TP73: variants seen among roughly 807,000 people sequenced by gnomAD.
The protein encoded by TP73 is tumor protein p73, also known as p53-like transcription factor.
In TP73, 25 loss-of-function variants were observed where a neutral mutation model predicts 62.5. That is an observed-to-expected ratio of 0.40 (90% CI 0.29 to 0.56). TP73 has a LOEUF of 0.56. TP73 is among the 20% of genes least tolerant of loss of function. TP73 has a pLI of 0.46. For synonymous variants in TP73, 423 were observed against 377.5 expected (o/e 1.12, Z -1.40); for missense variants, 754 against 913.3 (o/e 0.83, Z 2.25).
chr1:3,654,204 G>A (rs114533509), intron 1 of TP73, among the ~76,000 whole-genome samples: 1,756 of 152,272 alleles, frequency 0.012, 49 homozygotes, highest in African/African-American at 0.04. Context: ...ATAAAAGTTG[G>A]TGTCAGAGGC....
At chr1:3,706,956 C>T (rs1480094615) in intron 3 of TP73, among the ~76,000 whole-genome samples, 4 of 152,114 alleles carry the variant, frequency 2.6e-5, no homozygotes, top group Admixed American at 6.5e-5. Flanking sequence ...GAGATGAGGC[C>T]GCCCAACTGG....
At chr1:3,700,759 C>T (rs373965027) in intron 3 of TP73, among the ~76,000 whole-genome samples, 8 of 151,762 alleles carry the variant, frequency 5.3e-5, no homozygotes, top group Non-Finnish European at 8.8e-5. Flanking sequence ...CCAGCCTGGG[C>T]GACACAGTGA....
chr1:3,655,362 G>C lies in TP73; in HGVS notation c.-34+2721G>C, dbSNP rs140793372. On this transcript the variant is annotated intron_variant, in intron 1 of 13. Coordinates refer to ENST00000378295, the MANE Select transcript of TP73 (RefSeq NM_005427.4). Reference sequence around the variant, plus strand: ...AGATCACCCCACTGCACTCCAGCCCGGGCAACAGAGCGAGACTCTGTCTCA... The same window carrying C: ...AGATCACCCCACTGCACTCCAGCCCCGGCAACAGAGCGAGACTCTGTCTCA... 5.9e-4 allele frequency among the ~76,000 whole-genome samples: 90 copies of C among 152,146 alleles called. 1 individual carries two copies. Among genetic ancestry groups the C allele is most frequent in the African/African-American group, 2.1e-3 (88 of 41,424 alleles).
chr1:3,658,028 G>A (rs1644903619), intron 1 of TP73, among the ~76,000 whole-genome samples: 1 of 152,256 alleles, frequency 6.6e-6, no homozygotes, highest in African/African-American at 2.4e-5. Context: ...GTCTGGAGAG[G>A]CACCTCTCAG....
intron 4 of TP73, among the ~76,000 whole-genome samples, chr1:3,720,394 C>T (rs780022608): frequency 6.6e-5 from 10 of 152,286 alleles, no homozygotes; most frequent in East Asian, 5.8e-4. Flanking sequence ...TCCAGGTGGA[C>T]GGAGGACCTA....
At chr1:3,676,284 A>G (rs1645366449) in intron 1 of TP73, among the ~76,000 whole-genome samples, 1 of 128,404 alleles carries the variant, frequency 7.8e-6, no homozygotes, top group African/African-American at 3.0e-5. Context: ...TATGGGGACA[A>G]GGGACAGGGA....
Position 3,699,904 on chromosome 1 carries a change from T to C in TP73, c.187-7645T>C, listed in dbSNP as rs72634676. ...GATTAGGATCAGAGGAATCTCTGTT[T>C]CCAAGAGAAGGGGGACTGCATGGCC... On this transcript the variant is annotated intron_variant, in intron 3 of 13. Transcript: ENST00000378295. This position sits in a 1 kb window ranked among gnomAD's most constrained non-coding sequence, Gnocchi z 4.1. Among the ~76,000 whole-genome samples the C allele has an allele frequency of 6.6e-6, 1 of 152,066 alleles. No homozygotes were observed. The highest frequency in any genetic ancestry group is 1.5e-5 in the Non-Finnish European group (1 of 67,960).
chr1:3,717,835 G>A (rs374824229), intron 4 of TP73, among the ~76,000 whole-genome samples: 2 of 152,196 alleles, frequency 1.3e-5, no homozygotes, highest in African/African-American at 2.4e-5. Context: ...CATCCTCCCC[G>A]AGGCCACCCA....
chr1:3,707,887 C>T, intron 4 of TP73, 96 bp downstream of exon 4: 1 of 1,490,938 alleles, frequency 6.7e-7, no homozygotes, highest in East Asian at 2.5e-5. Flanking sequence ...CTGAGCTCGC[C>T]CCACTGTCTG....
At chr1:3,707,848 G>A (rs1639803593) in intron 4 of TP73, 57 bp downstream of exon 4, 2 of 1,570,372 alleles carry the variant, frequency 1.3e-6, no homozygotes, top group South Asian at 2.3e-5. Flanking sequence ...TGGAGAGGAG[G>A]TGGCTGCGTT....
At position 3,686,066 on chromosome 1, in the gene TP73, C is replaced by A. The variant is rs142304593; in HGVS notation, c.186+2886C>A. 4.4e-3 allele frequency among the ~76,000 whole-genome samples: 664 copies of A among 152,348 alleles called. 28 individuals are homozygous for A. The East Asian group carries it at 0.096, about 22-fold the overall frequency. The stretch of plus-strand genomic sequence containing the variant: ...GGAAGTGGCTGCACACGCACCTGCC[C>A]CCACCTGCCCCTGGCGGCTCCCTCT... On this transcript the variant is annotated intron_variant, in intron 3 of 13. Transcript: ENST00000378295.
At chr1:3,665,758 G>C (rs954067499) in intron 1 of TP73, among the ~76,000 whole-genome samples, 2 of 148,336 alleles carry the variant, frequency 1.3e-5, no homozygotes, top group Admixed American at 6.7e-5. Context: ...AGGTTCAAGC[G>C]ATTCTCCTGC....
chr1:3,705,575 C>A (rs899247962), intron 3 of TP73, among the ~76,000 whole-genome samples: 1 of 152,256 alleles, frequency 6.6e-6, no homozygotes, highest in Non-Finnish European at 1.5e-5. Flanking sequence ...TCGCCCCTGA[C>A]GGCTCAGGCC....
At chr1:3,704,214 T>C (rs540093241) in intron 3 of TP73, among the ~76,000 whole-genome samples, 1 of 152,158 alleles carries the variant, frequency 6.6e-6, no homozygotes, top group Non-Finnish European at 1.5e-5. Flanking sequence ...TTCAAAAAGG[T>C]GGAAAGGAGC....
At chr1:3,671,356 C>T (rs979486275) in intron 1 of TP73, among the ~76,000 whole-genome samples, 2 of 152,216 alleles carry the variant, frequency 1.3e-5, no homozygotes, top group Non-Finnish European at 2.9e-5. Flanking sequence ...TCCTGCCTCT[C>T]CCTGACCTAC....
intron 4 of TP73, among the ~76,000 whole-genome samples, chr1:3,709,906 G>A (rs1036679433): frequency 1.3e-5 from 2 of 152,176 alleles, no homozygotes; most frequent in African/African-American, 4.8e-5. Context: ...GATCCTCATG[G>A]AAGGACAGGA....
At chr1:3,711,839 C>CGTGTGTGTGTGTGT (rs533054348) in intron 4 of TP73, among the ~76,000 whole-genome samples, 1,539 of 146,132 alleles carry the variant, frequency 0.011, 12 homozygotes, top group Middle Eastern at 0.017. Flanking sequence ...TGTGCGCGAG[C>CGTGTGTGTGTGTGT]GTGTGTATGT....
At chr1:3,703,645 A>T (rs1639392728) in intron 3 of TP73, among the ~76,000 whole-genome samples, 1 of 152,210 alleles carries the variant, frequency 6.6e-6, no homozygotes, top group African/African-American at 2.4e-5. Flanking sequence ...AAAATATGAA[A>T]CACGTTGTCG....
chr1:3,688,229 C>T (rs902929531), intron 3 of TP73, among the ~76,000 whole-genome samples: 3 of 152,128 alleles, frequency 2.0e-5, no homozygotes, highest in African/African-American at 4.8e-5. Flanking sequence ...GGTGGGCTTT[C>T]GTGACAAAGC....
Sources: allele counts gnomAD v4.1 joint callset (sites outside exome capture counted in the v4.1 genomes callset), GRCh38; gene constraint gnomAD v4.1.1; non-coding constraint Gnocchi (gnomAD v3.1); transcripts MANE v1.5; gene names NCBI Gene and HGNC (gene_info 2026-07-23, HGNC 2026-07-21).